The following BNC2 variants were observed in gnomAD, a reference collection of about 807,000 sequenced individuals.
BNC2 encodes basonuclin zinc finger protein 2.
In BNC2, 20 loss-of-function variants were observed where a neutral mutation model predicts 76.3. That is an observed-to-expected ratio of 0.26 (90% confidence interval 0.18 to 0.38). The LOEUF is 0.38. Ranked by LOEUF, BNC2 falls within the 10% of genes least tolerant of loss-of-function variation. The pLI, the probability that BNC2 is intolerant of heterozygous loss-of-function variation, is 1.00. For synonymous variants in BNC2, 582 were observed against 514.8 expected, an observed-to-expected ratio of 1.13 and a Z score of -1.77; for missense variants, 1,382 against 1,399.8, an observed-to-expected ratio of 0.99 and a Z score of 0.20.
At chr9:16,701,774 T>A (rs971093914) in intron 3 of BNC2, among the ~76,000 whole-genome samples, 1 of 151,852 alleles carries the variant, frequency 6.6e-6, no homozygotes, top group Admixed American at 6.6e-5. Context: ...AAACCCCGTC[T>A]CTACTGAAAA....
chr9:16,616,837 A>AAGGC (rs1431416345), intron 3 of BNC2, among the ~76,000 whole-genome samples: 8 of 149,932 alleles, frequency 5.3e-5, no homozygotes, highest in African/African-American at 2.0e-4. Flanking sequence ...GGAAGGAAGG[A>AAGGC]AGTTCTACTG....
intron 3 of BNC2, among the ~76,000 whole-genome samples, chr9:16,650,505 A>C (rs1203093842): frequency 6.6e-5 from 10 of 152,190 alleles, no homozygotes; most frequent in Admixed American, 6.5e-4. Flanking sequence ...AGAGTCCACC[A>C]AACTGCCTGG....
At chr9:16,740,758 T>C (rs757610922) in intron 1 of BNC2, among the ~76,000 whole-genome samples, 1 of 152,056 alleles carries the variant, frequency 6.6e-6, no homozygotes, top group South Asian at 2.1e-4. Context: ...GAAAACGATA[T>C]TGAAGATCTA....
At chr9:16,449,417 G>GCATAC (rs1821293674) in intron 5 of BNC2, among the ~76,000 whole-genome samples, 1 of 152,070 alleles carries the variant, frequency 6.6e-6, no homozygotes, top group African/African-American at 2.4e-5. Flanking sequence ...GCATCCTGGA[G>GCATAC]CCTTTTAAAC....
At chr9:16,497,685 C>T (rs116954492) in intron 5 of BNC2, among the ~76,000 whole-genome samples, 2,498 of 152,122 alleles carry the variant, frequency 0.016, 28 homozygotes, top group South Asian at 0.029. Flanking sequence ...GGGTAAAAGT[C>T]ATTTAGATTG....
chr9:16,501,207 A>G (rs932863076), intron 5 of BNC2, among the ~76,000 whole-genome samples: 1 of 152,220 alleles, frequency 6.6e-6, no homozygotes, highest in African/African-American at 2.4e-5. Context: ...TGATTGTACA[A>G]TAACAGAAAT....
intron 3 of BNC2, among the ~76,000 whole-genome samples, chr9:16,613,612 A>AT (rs1242065469): frequency 1.3e-5 from 2 of 152,216 alleles, no homozygotes; most frequent in African/African-American, 4.8e-5. Flanking sequence ...GCGCAAGAAG[A>AT]TCCCCCTGCT....
chr9:16,566,212 GAGC>G (rs1386054701), intron 4 of BNC2, among the ~76,000 whole-genome samples: 1 of 152,094 alleles, frequency 6.6e-6, no homozygotes, highest in Non-Finnish European at 1.5e-5. Flanking sequence ...CCTTGATTTT[GAGC>G]AGCAACCATA....
At chr9:16,550,479 T>A (rs575441936) in intron 5 of BNC2, among the ~76,000 whole-genome samples, 1 of 152,288 alleles carries the variant, frequency 6.6e-6, no homozygotes, top group East Asian at 1.9e-4. Context: ...AATAATTATT[T>A]CAAGTAAAAT....
At chr9:16,642,272 T>C (rs1821511131) in intron 3 of BNC2, among the ~76,000 whole-genome samples, 2 of 152,214 alleles carry the variant, frequency 1.3e-5, no homozygotes, top group African/African-American at 2.4e-5. Flanking sequence ...TCTGTAAACA[T>C]TAACAAGTCT....
At chr9:16,861,834 A>G (rs747577678) in intron 1 of BNC2, among the ~76,000 whole-genome samples, 1 of 152,112 alleles carries the variant, frequency 6.6e-6, no homozygotes, top group Non-Finnish European at 1.5e-5. Context: ...CTAAAAATAC[A>G]AAAAATTAGC....
At chr9:16,609,658 G>A (rs1820487873) in intron 3 of BNC2, among the ~76,000 whole-genome samples, 1 of 152,156 alleles carries the variant, frequency 6.6e-6, no homozygotes, top group South Asian at 2.1e-4. Context: ...TCCCAGGAGT[G>A]TGCTTTATGG....
At chr9:16,713,391 G>A (rs1270752577) in intron 3 of BNC2, among the ~76,000 whole-genome samples, 1 of 149,924 alleles carries the variant, frequency 6.7e-6, no homozygotes, top group African/African-American at 2.5e-5. Context: ...TGACTGTACT[G>A]AACTGGGAAA....
rs561304809 is a variant in BNC2 at position 16,661,067 on chromosome 9, T to C, written c.330+66730A>G. On this transcript the variant is annotated intron_variant, in intron 3 of 6. Coordinates refer to ENST00000380672, the MANE Select transcript of BNC2 (RefSeq NM_017637.6). ...TATATACCATTATTCCCATTTTAAA[T>C]GTAAGGAAACTGAGGCTCAAGAAAA... 5.9e-5 allele frequency among the ~76,000 whole-genome samples: 9 copies of C among 152,268 alleles called. 1 individual carries two copies. In the South Asian group the frequency reaches 1.9e-3, roughly 32 times the overall value.
chr9:16,865,415 G>C (rs1322535673), intron 1 of BNC2, among the ~76,000 whole-genome samples: 2 of 152,078 alleles, frequency 1.3e-5, no homozygotes, highest in Non-Finnish European at 1.5e-5. Flanking sequence ...AACTCTCAAA[G>C]CCACCTTCTA....
chr9:16,659,359 C>T (rs996546888), intron 3 of BNC2, among the ~76,000 whole-genome samples: 5 of 152,092 alleles, frequency 3.3e-5, no homozygotes, highest in Non-Finnish European at 2.9e-5. Flanking sequence ...CGCGTAATCA[C>T]AGCACTTTGG....
intron 3 of BNC2, among the ~76,000 whole-genome samples, chr9:16,643,324 G>A (rs1821541156): frequency 6.9e-6 from 1 of 145,424 alleles, no homozygotes; most frequent in Non-Finnish European, 1.5e-5. Context: ...AAAAAAAAAT[G>A]AGGTACCAAA....
At chr9:16,700,792 C>A (rs1823487244) in intron 3 of BNC2, among the ~76,000 whole-genome samples, 1 of 151,960 alleles carries the variant, frequency 6.6e-6, no homozygotes, top group African/African-American at 2.4e-5. Context: ...AAACCCCATC[C>A]CTGCTAAAAA....
chr9:16,791,005 T>C (rs904710589), intron 1 of BNC2, among the ~76,000 whole-genome samples: 4 of 152,206 alleles, frequency 2.6e-5, no homozygotes, highest in Admixed American at 2.0e-4. Context: ...TGCTTTGCTG[T>C]CCGCTGATGA....
Sources: allele counts gnomAD v4.1 joint callset (sites outside exome capture counted in the v4.1 genomes callset), GRCh38; gene constraint gnomAD v4.1.1; transcripts MANE v1.5; gene names NCBI Gene and HGNC (gene_info 2026-07-23, HGNC 2026-07-21).